The following SOS1 variants were observed in gnomAD, a reference collection of about 807,000 sequenced individuals.
SOS1 encodes the protein son of sevenless homolog 1.
Under a neutral mutation model 157.6 loss-of-function variants are expected in SOS1, and 25 were observed. The observed-to-expected ratio is 0.16, with a 90% CI of 0.12 to 0.22. The LOEUF is 0.22. Among genes scored for constraint, SOS1 ranks in the 10% least tolerant of loss-of-function variants. The pLI, the probability that SOS1 is intolerant of heterozygous loss-of-function variation, is 1.00. For synonymous variants in SOS1, 528 were observed against 534.0 expected (o/e 0.99, Z 0.16); for missense variants, 1,237 against 1,599.1 (o/e 0.77, Z 3.86).
At chr2:39,105,669 G>A (rs1433828001) in intron 1 of SOS1, among the ~76,000 whole-genome samples, 1 of 152,086 alleles carries the variant, frequency 6.6e-6, no homozygotes, top group African/African-American at 2.4e-5. Flanking sequence ...AGGCCGAGGT[G>A]GGTAGATGAC....
intron 17 of SOS1, among the ~76,000 whole-genome samples, chr2:39,003,070 A>ACAAAAAC (rs1553352665): frequency 1.0e-5 from 1 of 96,262 alleles, no homozygotes; most frequent in Non-Finnish European, 2.2e-5. Flanking sequence ...TTGTATCAAA[A>ACAAAAAC]AAAAAAAAGA....
intron 10 of SOS1, among the ~76,000 whole-genome samples, chr2:39,018,169 A>G (rs960111306): frequency 5.9e-5 from 9 of 151,970 alleles, no homozygotes; most frequent in African/African-American, 2.2e-4. Flanking sequence ...AAAACATATA[A>G]TCCTAGAAAA....
chr2:39,097,026 A>G (rs1197422350), intron 1 of SOS1, among the ~76,000 whole-genome samples: 2 of 152,194 alleles, frequency 1.3e-5, no homozygotes, highest in Non-Finnish European at 2.9e-5. Context: ...GATTTAACCA[A>G]TCTCTATGAG....
chr2:39,014,134 G>C, intron 11 of SOS1, 145 bp from the exon 12 acceptor site: 1 of 625,446 alleles, frequency 1.6e-6, no homozygotes, highest in East Asian at 2.9e-5. Context: ...GTAAACAAGT[G>C]AGACTCCTAT....
At chr2:39,085,551 T>C (rs1265353244) in intron 1 of SOS1, among the ~76,000 whole-genome samples, 1 of 152,238 alleles carries the variant, frequency 6.6e-6, no homozygotes, top group African/African-American at 2.4e-5. Context: ...GAGATTCTAG[T>C]TTTTAGTAAA....
At chr2:39,113,755 A>G (rs1241541549) in intron 1 of SOS1, among the ~76,000 whole-genome samples, 1 of 152,224 alleles carries the variant, frequency 6.6e-6, no homozygotes, top group Non-Finnish European at 1.5e-5. Context: ...AATCTTCACC[A>G]GCATTCTCTA....
chr2:39,118,546 T>G lies in SOS1; in HGVS notation c.87+1790A>C, dbSNP rs183035118. On this transcript the variant is annotated intron_variant, in intron 1 of 22. Coordinates refer to ENST00000402219, the MANE Select transcript of SOS1 (RefSeq NM_005633.4). ...CTTCTACTGCAAAAGTATCTCTAAC[T>G]TAAAGTCAAAAGCTGTTTTATGTAA... is the stretch of plus-strand genomic sequence containing the variant. Among the ~76,000 whole-genome samples, 3 of 152,302 alleles carry G rather than the reference T, an allele frequency of 2.0e-5. No individual in the cohort carries two copies. In the East Asian group the frequency reaches 5.8e-4, roughly 29 times the overall value.
At chr2:39,033,864 C>A (rs541219549) in intron 8 of SOS1, among the ~76,000 whole-genome samples, 14 of 151,802 alleles carry the variant, frequency 9.2e-5, no homozygotes. Context: ...AAACTGATAA[C>A]GGCCTTAAGA....
intron 21 of SOS1, among the ~76,000 whole-genome samples, chr2:38,988,140 G>C (rs1668608450): frequency 6.6e-6 from 1 of 152,068 alleles, no homozygotes; most frequent in African/African-American, 2.4e-5. Context: ...ATTTTGTTTA[G>C]TTATAGGCTC....
intron 6 of SOS1, among the ~76,000 whole-genome samples, chr2:39,046,495 C>CTCTTT (rs1292758653): frequency 8.0e-6 from 1 of 124,408 alleles, no homozygotes; most frequent in African/African-American, 3.3e-5. Context: ...GAGACAGTGT[C>CTCTTT]TTTTTTTTTT....
Position 39,084,558 on chromosome 2 carries a change from A to G in SOS1, c.88-16805T>C, listed in dbSNP as rs1189636081. ...TGAATCATTCCTCCCCCAAAGCTCT[A>G]CTAAAAATTACTCATATTTGTGCAC... On this transcript the variant is annotated intron_variant, in intron 1 of 22. Coordinates refer to ENST00000402219, the MANE Select transcript of SOS1 (RefSeq NM_005633.4). Among the ~76,000 whole-genome samples the G allele has an allele frequency of 2.0e-5, 3 of 152,184 alleles. No homozygotes were observed. In the East Asian group the frequency reaches 5.8e-4, roughly 29 times the overall value.
At chr2:39,069,190 CAAAAAAAAAAAAAAAAAAAAA>C (rs869178369) in intron 1 of SOS1, among the ~76,000 whole-genome samples, 23 of 46,760 alleles carry the variant, frequency 4.9e-4, no homozygotes, top group South Asian at 1.7e-3. Flanking sequence ...TACCAAAAAG[CAAAAAAAAAAAAAAAAAAAAA>C]AAAAAAAAAA....
At chr2:39,003,137 T>A (rs930821148) in intron 17 of SOS1, among the ~76,000 whole-genome samples, 2 of 151,560 alleles carry the variant, frequency 1.3e-5, no homozygotes, top group East Asian at 1.9e-4. Flanking sequence ...TGATTTTTTT[T>A]AAACCTCATA....
intron 1 of SOS1, among the ~76,000 whole-genome samples, chr2:39,086,907 G>A (rs972102313): frequency 6.6e-6 from 1 of 151,974 alleles, no homozygotes; most frequent in Non-Finnish European, 1.5e-5. Context: ...CTGCCTCCCC[G>A]GTTTAAGCAA....
chr2:39,007,623 C>CT (rs1299688791), intron 15 of SOS1: 3 of 169,542 alleles, frequency 1.8e-5, no homozygotes, highest in African/African-American at 7.2e-5. Flanking sequence ...ATATTATTGG[C>CT]TACATACATT....
At chr2:38,993,116 C>A (rs1474731732) in intron 20 of SOS1, 1 of 151,714 alleles carries the variant, frequency 6.6e-6, no homozygotes, top group African/African-American at 2.4e-5. Context: ...ACTCCATGAC[C>A]TTCAGTCACC....
At chr2:39,067,482 A>AT (rs1294335592) in intron 2 of SOS1, 146 bp downstream of exon 2, 2 of 779,930 alleles carry the variant, frequency 2.6e-6, no homozygotes, top group Admixed American at 1.9e-5. Flanking sequence ...TGGATAAGGG[A>AT]TACTCAACCT....
Position 39,013,626 on chromosome 2 carries a change from C to A in SOS1, c.2064-63G>T. The stretch of plus-strand genomic sequence containing the variant: ...AAACATAAATGTTTATCACAATGCA[C>A]AGTACAATACAAATGAAAATGCAGT... On this transcript the variant is annotated intron_variant, in intron 12 of 22. Coordinates refer to ENST00000402219, the MANE Select transcript of SOS1 (RefSeq NM_005633.4). 4 of 1,097,526 alleles carry A rather than the reference C, an allele frequency of 3.6e-6. No homozygotes were observed. In the Admixed American group the frequency reaches 6.7e-5, roughly 19 times the overall value. 68.0% of individuals were successfully genotyped at this position (1,097,526 alleles called of 1,614,324 possible).
chr2:39,005,935 T>G (rs1669268517), intron 17 of SOS1, among the ~76,000 whole-genome samples: 1 of 151,948 alleles, frequency 6.6e-6, no homozygotes, highest in South Asian at 2.1e-4. Flanking sequence ...GATTCAGTCC[T>G]AAAAAGGAAG....
Sources: gnomAD v4.1 joint callset for allele counts (sites outside exome capture counted in the v4.1 genomes callset) on GRCh38, gnomAD v4.1.1 for gene constraint, MANE v1.5 for transcripts, NCBI Gene and HGNC (gene_info 2026-07-23, HGNC 2026-07-21) for gene names.